The following ITGB5 variants were observed in gnomAD, a reference collection of about 807,000 sequenced individuals.
ITGB5 encodes integrin beta-5.
ITGB5 carries 38 observed loss-of-function variants against 84.8 expected under a neutral mutation model. The ratio of observed to expected loss-of-function variants is 0.45; its 90% CI spans 0.35 to 0.59. ITGB5 has a LOEUF of 0.59. Among genes scored for constraint, ITGB5 ranks in the 20% least tolerant of loss-of-function variants. The pLI, the probability that ITGB5 is intolerant of heterozygous loss-of-function variation, is 0.01. For synonymous variants in ITGB5, 393 were observed against 414.4 expected, an observed-to-expected ratio of 0.95 and a Z score of 0.63; for missense variants, 905 against 1,034.5, an observed-to-expected ratio of 0.87 and a Z score of 1.72.
At chr3:124,874,860 A>G (rs1422423520) in intron 1 of ITGB5, among the ~76,000 whole-genome samples, 1 of 152,244 alleles carries the variant, frequency 6.6e-6, no homozygotes, top group Non-Finnish European at 1.5e-5. Flanking sequence ...TCAACTCAAT[A>G]TGGTTTAAAA....
chr3:124,793,903 G>A (rs1347085762), intron 10 of ITGB5, among the ~76,000 whole-genome samples: 3 of 152,196 alleles, frequency 2.0e-5, no homozygotes, highest in South Asian at 2.1e-4. Context: ...GTCCCACGAC[G>A]CCCATGGGTG....
intron 8 of ITGB5, among the ~76,000 whole-genome samples, chr3:124,815,465 C>T (rs2064574521): frequency 6.6e-6 from 1 of 152,250 alleles, no homozygotes; most frequent in Non-Finnish European, 1.5e-5. Context: ...CCCAGATGAG[C>T]TGCTCTTCAG....
chr3:124,890,708 C>T (rs930352051), upstream of ITGB5, among the ~76,000 whole-genome samples: 1 of 152,128 alleles, frequency 6.6e-6, no homozygotes, highest in African/African-American at 2.4e-5. Flanking sequence ...TAGCCCCCCT[C>T]CTATTATCAC....
upstream of ITGB5, chr3:124,887,920 CTTT>C (rs747964036): frequency 6.9e-3 from 1,345 of 195,184 alleles, no homozygotes; most frequent in Middle Eastern, 0.019. Flanking sequence ...TTTTTCTTTT[CTTT>C]TTTTTTTTTT....
chr3:124,886,854 C>T, intron 1 of ITGB5, 77 bp downstream of exon 1: 1 of 950,990 alleles, frequency 1.1e-6, no homozygotes, highest in Non-Finnish European at 1.3e-6. Flanking sequence ...GCCTGCGCTC[C>T]CCGCCCCTCC....
chr3:124,808,092 C>T (rs182078014), intron 9 of ITGB5, among the ~76,000 whole-genome samples: 99 of 151,888 alleles, frequency 6.5e-4, no homozygotes, highest in African/African-American at 2.2e-3. Context: ...CTACCAGCCA[C>T]GAGACTGTCC....
At chr3:124,828,050 G>A (rs1173440814) in intron 5 of ITGB5, among the ~76,000 whole-genome samples, 1 of 151,940 alleles carries the variant, frequency 6.6e-6, no homozygotes, top group East Asian at 1.9e-4. Context: ...GCACCCAGGT[G>A]ATTAAAAAGC....
intron 10 of ITGB5, among the ~76,000 whole-genome samples, chr3:124,793,887 A>G (rs2064183567): frequency 6.6e-6 from 1 of 152,318 alleles, no homozygotes; most frequent in Non-Finnish European, 1.5e-5. Flanking sequence ...AGTTTTAGAC[A>G]TGCTGGTCCC....
At chr3:124,845,712 T>C (rs2065067859) in intron 4 of ITGB5, among the ~76,000 whole-genome samples, 1 of 152,144 alleles carries the variant, frequency 6.6e-6, no homozygotes, top group African/African-American at 2.4e-5. Context: ...GCTTCCAATC[T>C]AGTGTCTCGG....
intron 2 of ITGB5, among the ~76,000 whole-genome samples, chr3:124,872,744 C>T (rs568562148): frequency 6.6e-6 from 1 of 152,270 alleles, no homozygotes; most frequent in South Asian, 2.1e-4. Flanking sequence ...TTCCCTCCTT[C>T]CTTCCTCCCT....
chr3:124,784,152 T>G (rs1314255611), intron 10 of ITGB5, among the ~76,000 whole-genome samples: 1 of 152,182 alleles, frequency 6.6e-6, no homozygotes, highest in Non-Finnish European at 1.5e-5. Context: ...AAGACTCCAT[T>G]GTAAAAAGCA....
chr3:124,843,731 C>T lies in ITGB5; in HGVS notation c.612-2180G>A, dbSNP rs539992250. ...ACCCCAGAGCAGCTGTCTGAGTGGC[C>T]TGAAGATCCGGACGTTCTGGGGTCA... is the stretch of plus-strand genomic sequence containing the variant. On this transcript the variant is annotated intron_variant, in intron 4 of 14. Transcript: ENST00000296181. Among the ~76,000 whole-genome samples, 4 of 152,280 alleles carry T rather than the reference C, an allele frequency of 2.6e-5. No homozygotes were observed. In the South Asian group the frequency reaches 8.3e-4, roughly 32 times the overall value.
chr3:124,861,327 C>G (rs2065294016), intron 2 of ITGB5, among the ~76,000 whole-genome samples: 1 of 151,770 alleles, frequency 6.6e-6, no homozygotes, highest in South Asian at 2.1e-4. Flanking sequence ...AATGAGTTTT[C>G]TAGCCAGCCA....
Position 124,821,489 on chromosome 3 carries a change from G to A in ITGB5, c.781-15C>T. On this transcript the variant is annotated splice_polypyrimidine_tract_variant and intron_variant, in intron 5 of 14. Transcript: ENST00000296181. ...CCAATCTTCTCCTGAAGGACAGAAG[G>A]TGGATGGGTACACCAGTCTTTCTGC... 4.3e-6 allele frequency: 7 copies of A among 1,613,758 alleles called. No homozygotes were observed. The highest frequency in any genetic ancestry group is 5.9e-6 in the Non-Finnish European group (7 of 1,179,934).
intron 2 of ITGB5, among the ~76,000 whole-genome samples, chr3:124,864,896 T>A (rs911702527): frequency 6.6e-6 from 1 of 152,198 alleles, no homozygotes; most frequent in Admixed American, 6.5e-5. Context: ...CTTGACTGCA[T>A]CACCTGGTGC....
At chr3:124,859,496 C>G in intron 2 of ITGB5, 50 bp from the exon 3 acceptor site, 1 of 1,459,754 alleles carries the variant, frequency 6.9e-7, no homozygotes, top group African/African-American at 1.4e-5. Context: ...GGGTGTCTCC[C>G]GAAAACATCG....
At position 124,764,933 on chromosome 3, in the gene ITGB5, T is replaced by C. The variant is rs556697812; in HGVS notation, c.2138-376A>G. 3.9e-5 allele frequency among the ~76,000 whole-genome samples: 6 copies of C among 152,352 alleles called. No individual in the cohort carries two copies. The East Asian group carries it at 1.2e-3, about 29-fold the overall frequency. Reference sequence around the variant, plus strand: ...AGGCAGGAGGTACCATGAAGCCACATGAAGCCACTTCCACAAGGTCTGGGC... The same window carrying C: ...AGGCAGGAGGTACCATGAAGCCACACGAAGCCACTTCCACAAGGTCTGGGC... On this transcript the variant is annotated intron_variant, in intron 13 of 14. Transcript: ENST00000296181.
At chr3:124,896,226 T>A (rs1935098596) in intron 1 of ITGB5, among the ~76,000 whole-genome samples, 1 of 152,158 alleles carries the variant, frequency 6.6e-6, no homozygotes, top group African/African-American at 2.4e-5. Flanking sequence ...TCCACCCCAA[T>A]TATTTAATCA....
At chr3:124,821,273 A>G in intron 6 of ITGB5, 40 bp downstream of exon 6, 3 of 1,583,996 alleles carry the variant, frequency 1.9e-6, no homozygotes, top group Non-Finnish European at 2.6e-6. Context: ...GGGTCACAAG[A>G]GAGGCAACAG....
Sources: allele counts gnomAD v4.1 joint callset (sites outside exome capture counted in the v4.1 genomes callset), GRCh38; gene constraint gnomAD v4.1.1; transcripts MANE v1.5; gene names NCBI Gene and HGNC (gene_info 2026-07-23, HGNC 2026-07-21).